Variants in NTNG1 observed in about 807,000 individuals in gnomAD.
The protein encoded by NTNG1 is netrin G1.
In NTNG1, 16 loss-of-function variants were observed where a neutral mutation model predicts 54.0. The observed-to-expected ratio is 0.30, with a 90% CI of 0.20 to 0.45. The LOEUF (loss-of-function observed/expected upper bound fraction) is 0.45, where lower values mean the gene tolerates loss of function less well. NTNG1 is among the 20% of genes least tolerant of loss of function. The probability of loss-of-function intolerance (pLI) is 1.00; values close to 1 mark genes in which losing one functional copy is unlikely to be tolerated. For synonymous variants in NTNG1, 255 were observed against 263.1 expected, an observed-to-expected ratio of 0.97 and a Z score of 0.30; for missense variants, 530 against 678.7, an observed-to-expected ratio of 0.78 and a Z score of 2.43.
intron 5 of NTNG1, chr1:107,418,556 C>T: frequency 6.5e-7 from 1 of 1,541,014 alleles, no homozygotes; most frequent in Non-Finnish European, 8.8e-7. Flanking sequence ...AATAACATAC[C>T]CTGATTTTTC....
chr1:107,355,732 T>G (rs1431832785), intron 3 of NTNG1, among the ~76,000 whole-genome samples: 1 of 152,136 alleles, frequency 6.6e-6, no homozygotes, highest in Non-Finnish European at 1.5e-5. Context: ...GGCCTTAACC[T>G]TTCTTGGGTT....
At chr1:107,385,144 C>A (rs1236036629) in intron 3 of NTNG1, among the ~76,000 whole-genome samples, 2 of 152,004 alleles carry the variant, frequency 1.3e-5, no homozygotes, top group Admixed American at 6.6e-5. Context: ...TAATATATAC[C>A]AGGCCCTGTG....
At chr1:107,334,625 CAT>C (rs1339952426) in intron 3 of NTNG1, among the ~76,000 whole-genome samples, 2 of 150,986 alleles carry the variant, frequency 1.3e-5, no homozygotes, top group African/African-American at 4.9e-5. Context: ...AAAAAAAAAA[CAT>C]AAAAATAATT....
rs138051466 is a variant in NTNG1 at position 107,450,502 on chromosome 1, G to T, written c.1390+13703G>T. On this transcript the variant is annotated intron_variant, in intron 7 of 7. Coordinates refer to ENST00000370068, the MANE Select transcript of NTNG1 (RefSeq NM_001113226.3). ...AGTTTCATTGAAAATGGTGAGGAATGGATTAACAAATTTAAGAAATCAATT... is the reference window on the plus strand; with the variant it reads ...AGTTTCATTGAAAATGGTGAGGAATTGATTAACAAATTTAAGAAATCAATT... Among the ~76,000 whole-genome samples the T allele has an allele frequency of 4.3e-3, 654 of 152,034 alleles. 5 individuals are homozygous for T. The highest frequency in any genetic ancestry group is 0.015 in the African/African-American group (625 of 41,494).
intron 2 of NTNG1, among the ~76,000 whole-genome samples, chr1:107,191,467 AT>A (rs745539580): frequency 0.027 from 4,129 of 152,122 alleles, 93 homozygotes; most frequent in Non-Finnish European, 0.043. Flanking sequence ...TTTTGTTGCC[AT>A]TGCTTTTGGT....
intron 2 of NTNG1, among the ~76,000 whole-genome samples, chr1:107,310,043 A>T (rs1262641792): frequency 6.6e-6 from 1 of 152,154 alleles, no homozygotes; most frequent in Non-Finnish European, 1.5e-5. Context: ...AATGACAAAT[A>T]GAAAGCCCCT....
intron 2 of NTNG1, among the ~76,000 whole-genome samples, chr1:107,200,007 T>C (rs1241067306): frequency 6.6e-6 from 1 of 151,874 alleles, no homozygotes; most frequent in East Asian, 1.9e-4. Context: ...CATGGAATCA[T>C]GGGGTTTTCT....
chr1:107,397,143 T>C (rs1672733720), intron 4 of NTNG1, among the ~76,000 whole-genome samples: 1 of 152,214 alleles, frequency 6.6e-6, no homozygotes, highest in Non-Finnish European at 1.5e-5. Context: ...CAGTTTTCCT[T>C]GTAGGTCCAA....
At chr1:107,221,482 C>T (rs1389694034) in intron 2 of NTNG1, among the ~76,000 whole-genome samples, 2 of 152,220 alleles carry the variant, frequency 1.3e-5, no homozygotes, top group African/African-American at 4.8e-5. Context: ...ATAAAGTTGA[C>T]ATCTGAGCCT....
At chr1:107,151,900 A>G in intron 2 of NTNG1, among the ~76,000 whole-genome samples, 1 of 152,156 alleles carries the variant, frequency 6.6e-6, no homozygotes, top group East Asian at 1.9e-4. Context: ...GTTCTATATT[A>G]ATTGTACCAG....
chr1:107,300,391 C>T (rs1666247679), intron 2 of NTNG1, among the ~76,000 whole-genome samples: 1 of 152,172 alleles, frequency 6.6e-6, no homozygotes, highest in Non-Finnish European at 1.5e-5. Flanking sequence ...CCCTGCATGA[C>T]AGTAACAGCT....
chr1:107,271,266 G>C (rs887316016), intron 2 of NTNG1, among the ~76,000 whole-genome samples: 1 of 151,990 alleles, frequency 6.6e-6, no homozygotes, highest in Non-Finnish European at 1.5e-5. Flanking sequence ...AGTTACATAC[G>C]TATACATGTG....
At chr1:107,473,450 A>G (rs1678114620) in intron 7 of NTNG1, among the ~76,000 whole-genome samples, 2 of 152,202 alleles carry the variant, frequency 1.3e-5, no homozygotes, top group Admixed American at 1.3e-4. Context: ...GAGCATAAGG[A>G]GTCCATCTGT....
chr1:107,281,828 A>G (rs2101729902), intron 2 of NTNG1, among the ~76,000 whole-genome samples: 1 of 152,288 alleles, frequency 6.6e-6, no homozygotes, highest in Non-Finnish European at 1.5e-5. Context: ...TTTGCAGTTA[A>G]CATTTTTTCC....
intron 3 of NTNG1, among the ~76,000 whole-genome samples, chr1:107,333,590 A>G (rs1668403995): frequency 6.6e-6 from 1 of 151,902 alleles, no homozygotes; most frequent in Admixed American, 6.6e-5. Flanking sequence ...TTAAGCTCCA[A>G]CATTGTTGGA....
intron 2 of NTNG1, among the ~76,000 whole-genome samples, chr1:107,238,951 C>A (rs902648067): frequency 6.6e-6 from 1 of 151,966 alleles, no homozygotes; most frequent in Non-Finnish European, 1.5e-5. Context: ...GGAAGCTATG[C>A]TCCAGAAAGA....
intron 2 of NTNG1, among the ~76,000 whole-genome samples, chr1:107,263,285 C>A (rs1441648337): frequency 1.1e-5 from 1 of 92,384 alleles, no homozygotes; most frequent in Non-Finnish European, 2.9e-5. Context: ...TCCTTCCTTC[C>A]TTCCTTCCTT....
chr1:107,202,054 T>G (rs920271206), intron 2 of NTNG1, among the ~76,000 whole-genome samples: 3 of 151,922 alleles, frequency 2.0e-5, no homozygotes, highest in Admixed American at 6.6e-5. Flanking sequence ...AATATTGCTA[T>G]AGCTTTATTT....
At chr1:107,479,585 A>G (rs562301708) in intron 7 of NTNG1, among the ~76,000 whole-genome samples, 17 of 152,206 alleles carry the variant, frequency 1.1e-4, no homozygotes, top group Non-Finnish European at 1.9e-4. Context: ...CTTAAGCAGC[A>G]TATGTTGCTT....
Sources: gnomAD v4.1 joint callset for allele counts (sites outside exome capture counted in the v4.1 genomes callset) on GRCh38, gnomAD v4.1.1 for gene constraint, MANE v1.5 for transcripts, NCBI Gene and HGNC (gene_info 2026-07-23, HGNC 2026-07-21) for gene names.